Variants in RNF214 observed in about 807,000 individuals in gnomAD.
RNF214 encodes the protein ring finger protein 214.
A neutral mutation model predicts 75.9 loss-of-function variants in RNF214; 25 were observed. The ratio of observed to expected loss-of-function variants is 0.33; its 90% confidence interval spans 0.24 to 0.46. The LOEUF (loss-of-function observed/expected upper bound fraction) is 0.46, where lower values mean the gene tolerates loss of function less well. RNF214 is among the 20% of genes least tolerant of loss of function. RNF214 has a pLI of 1.00. For synonymous variants in RNF214, 314 were observed against 308.8 expected (o/e 1.02, Z -0.18); for missense variants, 725 against 857.5 (o/e 0.85, Z 1.93).
chr11:117,262,624 C>T (rs1363507785), intron 6 of RNF214, among the ~76,000 whole-genome samples: 4 of 151,178 alleles, frequency 2.6e-5, no homozygotes, highest in African/African-American at 9.7e-5. Flanking sequence ...GCAAGTGATC[C>T]TCCTGCCTTG....
intron 5 of RNF214, among the ~76,000 whole-genome samples, chr11:117,246,346 T>G (rs891569938): frequency 1.3e-5 from 2 of 151,748 alleles, no homozygotes; most frequent in African/African-American, 4.8e-5. Context: ...TGTGTATATA[T>G]GTATGTATTT....
chr11:117,249,793 A>G (rs887419321), intron 6 of RNF214, among the ~76,000 whole-genome samples: 2 of 152,158 alleles, frequency 1.3e-5, no homozygotes, highest in African/African-American at 2.4e-5. Flanking sequence ...TCTTCCTCTT[A>G]TAAGGACACC....
At chr11:117,251,486 C>A (rs1468184956) in intron 6 of RNF214, among the ~76,000 whole-genome samples, 2 of 88,200 alleles carry the variant, frequency 2.3e-5, no homozygotes, top group African/African-American at 8.4e-5. Flanking sequence ...GGCTGACCCC[C>A]CCACCTCCCT....
At chr11:117,281,281 T>G in intron 8 of RNF214, 33 bp from the exon 9 acceptor site, 1 of 1,523,132 alleles carries the variant, frequency 6.6e-7, no homozygotes. Context: ...GGGCTTTCTT[T>G]AAATCTGTAA....
chr11:117,233,692 C>G (rs564935592), intron 1 of RNF214, among the ~76,000 whole-genome samples: 1 of 152,214 alleles, frequency 6.6e-6, no homozygotes, highest in African/African-American at 2.4e-5. Context: ...AGAGTCTGTT[C>G]TTTGCTCAGT....
At chr11:117,259,740 T>A (rs1438118002) in intron 6 of RNF214, among the ~76,000 whole-genome samples, 1 of 152,188 alleles carries the variant, frequency 6.6e-6, no homozygotes, top group Middle Eastern at 3.2e-3. Flanking sequence ...AGTGTCTAAC[T>A]TTTTTATTCC....
In RNF214 at chr11:117,285,064, G is replaced by A. The variant is rs376304539; in HGVS notation, c.2047-22G>A. ...CTTTGTTTTTCCAGATAAACCTGAGGTGTGTCTTTCTTTCTTTCCAGTGTA... is the reference window on the plus strand; with the variant it reads ...CTTTGTTTTTCCAGATAAACCTGAGATGTGTCTTTCTTTCTTTCCAGTGTA... On this transcript the variant is annotated intron_variant, in intron 14 of 14. Transcript: ENST00000300650. 3.2e-6 allele frequency: 5 copies of A among 1,560,050 alleles called. No homozygotes were observed. The African/African-American group carries it at 6.8e-5, about 21-fold the overall frequency.
At chr11:117,277,929 G>A (rs1401834074) in intron 6 of RNF214, among the ~76,000 whole-genome samples, 2 of 148,454 alleles carry the variant, frequency 1.3e-5, no homozygotes, top group African/African-American at 5.0e-5. Flanking sequence ...AGCCAAGATT[G>A]TGTCACTGCA....
intron 2 of RNF214, among the ~76,000 whole-genome samples, chr11:117,235,542 A>G (rs1403310691): frequency 1.7e-5 from 2 of 120,858 alleles, no homozygotes; most frequent in African/African-American, 6.7e-5. Flanking sequence ...TCTGTCGCCC[A>G]GACTGGAGTG....
At chr11:117,263,509 C>G (rs567412092) in intron 6 of RNF214, among the ~76,000 whole-genome samples, 23 of 152,022 alleles carry the variant, frequency 1.5e-4, no homozygotes, top group African/African-American at 5.3e-4. Context: ...CTCCTGACCT[C>G]ATGATCCACC....
chr11:117,233,691 T>G (rs2032808672), intron 1 of RNF214, among the ~76,000 whole-genome samples: 1 of 152,232 alleles, frequency 6.6e-6, no homozygotes, highest in African/African-American at 2.4e-5. Context: ...AAGAGTCTGT[T>G]CTTTGCTCAG....
At chr11:117,243,991 C>T (rs918063315) in intron 4 of RNF214, among the ~76,000 whole-genome samples, 12 of 152,228 alleles carry the variant, frequency 7.9e-5, no homozygotes, top group East Asian at 1.9e-4. Flanking sequence ...TGTTCCCGGA[C>T]GCTTTTTTGA....
In RNF214 at chr11:117,279,938, C is replaced by G; in HGVS notation, c.990C>G (p.Leu330=). The G allele has an allele frequency of 6.2e-7, 1 of 1,613,204 alleles. No homozygotes were observed. Among genetic ancestry groups the G allele is most frequent in the Non-Finnish European group, 8.5e-7 (1 of 1,179,666 alleles). The change falls in exon 7 of 15, where the codon CTC becomes CTG. Residue 330 remains leucine (L), a synonymous_variant. Coordinates refer to ENST00000300650, the MANE Select transcript of RNF214 (RefSeq NM_207343.4). ...TGTGGGAAATGGAACTGGATAGACTCAAGAATCAGGATGGCGAAATAAATA... is the reference window on the plus strand; with the variant it reads ...TGTGGGAAATGGAACTGGATAGACTGAAGAATCAGGATGGCGAAATAAATA... ...REVWEMELDR[L]KNQDGEINRN...
intron 6 of RNF214, among the ~76,000 whole-genome samples, chr11:117,261,760 C>T (rs1470460852): frequency 2.6e-5 from 4 of 151,740 alleles, no homozygotes; most frequent in Non-Finnish European, 2.9e-5. Context: ...ATTTTCCTGC[C>T]TCAGACTCCC....
At chr11:117,273,764 C>T (rs991875881) in intron 6 of RNF214, among the ~76,000 whole-genome samples, 2 of 151,976 alleles carry the variant, frequency 1.3e-5, no homozygotes, top group Non-Finnish European at 2.9e-5. Flanking sequence ...AAATTGAGGT[C>T]GTTGATTGGT....
chr11:117,239,218 T>G, intron 3 of RNF214, 107 bp downstream of exon 3: 1 of 1,164,958 alleles, frequency 8.6e-7, no homozygotes. Context: ...TTGTTTTGTT[T>G]TTTGTTTTTT....
rs766170255 is a variant in RNF214, at chr11:117,281,717, G to A, written c.1335+19G>A. The A allele has an allele frequency of 2.5e-6, 4 of 1,591,730 alleles. No homozygotes were observed. Among genetic ancestry groups the A allele is most frequent in the Admixed American group, 3.3e-5 (2 of 59,840 alleles). ...ATCAGAGGTAAGAGAGTGGCTTTGG[G>A]GGGAAGTTCACCTTTCTGTGTTGGT... On this transcript the variant is annotated intron_variant, in intron 10 of 14. Transcript: ENST00000300650.
At chr11:117,274,514 T>C (rs2033974575) in intron 6 of RNF214, among the ~76,000 whole-genome samples, 1 of 151,234 alleles carries the variant, frequency 6.6e-6, no homozygotes, top group Admixed American at 6.6e-5. Flanking sequence ...AGGTGCCCAC[T>C]ACCACACTCG....
At chr11:117,264,800 A>AG (rs1316664446) in intron 6 of RNF214, among the ~76,000 whole-genome samples, 3 of 152,026 alleles carry the variant, frequency 2.0e-5, no homozygotes, top group African/African-American at 7.3e-5. Flanking sequence ...TAGGTGATTC[A>AG]TGACTGTAAT....
Sources: allele counts gnomAD v4.1 joint callset (sites outside exome capture counted in the v4.1 genomes callset), GRCh38; gene constraint gnomAD v4.1.1; transcripts MANE v1.5; gene names NCBI Gene and HGNC (gene_info 2026-07-23, HGNC 2026-07-21).